Variants in ZNF766 observed in about 807,000 individuals in gnomAD.
ZNF766 encodes zinc finger protein 766.
In ZNF766, 13 loss-of-function variants were observed where a neutral mutation model predicts 13.2. That is an observed-to-expected ratio of 0.98 (90% CI 0.64 to 1.56). ZNF766 has a LOEUF of 1.56. Among genes scored for constraint, ZNF766 ranks in the 40% most tolerant of loss-of-function variants. The probability of loss-of-function intolerance (pLI) is 0.00; values close to 1 mark genes in which losing one functional copy is unlikely to be tolerated. For missense variants in ZNF766, 521 were observed against 552.2 expected, an observed-to-expected ratio of 0.94 and a Z score of 0.57; for synonymous variants, 178 against 187.6, an observed-to-expected ratio of 0.95 and a Z score of 0.42.
At position 52,284,697 on chromosome 19, in the gene ZNF766, C is replaced by T. The variant is rs1981721319; in HGVS notation, c.274+1284C>T. On this transcript the variant is annotated intron_variant, in intron 3 of 3. Transcript: ENST00000439461. ...GGTTGTCACCTTTCCATCTGACCAA[C>T]CAGCCACAAGTCAGGGTTCCCTCGA... 2.6e-5 allele frequency: 4 copies of T among 152,136 alleles called. No homozygotes were observed. The South Asian group carries it at 8.3e-4, about 32-fold the overall frequency. The allele number at this position is 152,136 out of a possible 1,614,324, so 9.4% of individuals were successfully genotyped here. A position where few individuals can be genotyped will look rare whatever the true frequency, so the allele number is the denominator to read the frequency against.
At chr19:52,286,522 C>T (rs1322534849) in intron 3 of ZNF766, among the ~76,000 whole-genome samples, 2 of 152,214 alleles carry the variant, frequency 1.3e-5, no homozygotes, top group African/African-American at 2.4e-5. Flanking sequence ...GCGATCCTCC[C>T]GCCTTGGCCT....
In ZNF766 at chr19:52,280,734, C is replaced by T. The variant is rs537845777; in HGVS notation, c.19-1377C>T. 3.5e-3 allele frequency among the ~76,000 whole-genome samples: 534 copies of T among 152,046 alleles called. 4 individuals are homozygous for T. The highest frequency in any genetic ancestry group is 0.012 in the African/African-American group (496 of 41,520). Reference sequence around the variant, plus strand: ...AGTAGCTGGGACTACAGGCATGCACCGCCACACCCAGCTAATTATTATATT... The same window carrying T: ...AGTAGCTGGGACTACAGGCATGCACTGCCACACCCAGCTAATTATTATATT... On this transcript the variant is annotated intron_variant, in intron 1 of 3. Transcript: ENST00000439461.
Position 52,279,957 on chromosome 19 carries a change from A to G in ZNF766, c.19-2154A>G, listed in dbSNP as rs147831590. Among the ~76,000 whole-genome samples the G allele has an allele frequency of 3.4e-4, 51 of 151,598 alleles. No individual in the cohort carries two copies. The East Asian group carries it at 9.8e-3, about 29-fold the overall frequency. On this transcript the variant is annotated intron_variant, in intron 1 of 3. Coordinates refer to ENST00000439461, the MANE Select transcript of ZNF766 (RefSeq NM_001010851.3). Reference sequence around the variant, plus strand: ...ATTACAGGTGCCCGCCACCACGCCTAGCTAATTTTTGCATTTTTAGCAGAG... The same window carrying G: ...ATTACAGGTGCCCGCCACCACGCCTGGCTAATTTTTGCATTTTTAGCAGAG...
Position 52,283,273 on chromosome 19 carries a change from T to C in ZNF766, c.146-12T>C, listed in dbSNP as rs752476463. ...CATCACAGCACATCTTGATTCTTTC[T>C]TTTATAAACAGGAATCTGTCTTCCT... is the stretch of plus-strand genomic sequence containing the variant. On this transcript the variant is annotated splice_polypyrimidine_tract_variant and intron_variant, in intron 2 of 3. Coordinates refer to ENST00000439461, the MANE Select transcript of ZNF766 (RefSeq NM_001010851.3). The C allele has an allele frequency of 6.2e-7, 1 of 1,611,606 alleles. No homozygotes were observed. The highest frequency in any genetic ancestry group is 8.5e-7 in the Non-Finnish European group (1 of 1,178,738).
At chr19:52,277,432 C>G (rs911211773) in intron 1 of ZNF766, 5 of 1,517,120 alleles carry the variant, frequency 3.3e-6, no homozygotes, top group Non-Finnish European at 4.4e-6. Flanking sequence ...GCACTCCAGC[C>G]TGGGTGACAG....
At position 52,293,042 on chromosome 19, in the gene ZNF766, AC is replaced by A. The variant is rs1982219712; in HGVS notation, c.*1846del. On this transcript the variant is annotated 3_prime_UTR_variant, in exon 4 of 4. Transcript: ENST00000439461. The stretch of plus-strand genomic sequence containing the variant: ...CAGGTGTTCTCATTGATCAATTCCC[AC>A]CTATGAGTGAGAACATGGGGTGTTT... 1 of 151,416 alleles carries A rather than the reference AC, an allele frequency of 6.6e-6. No homozygotes were observed. Among genetic ancestry groups the A allele is most frequent in the Non-Finnish European group, 1.5e-5 (1 of 67,942 alleles). The allele number at this position is 151,416 out of a possible 1,614,324, so 9.4% of individuals were successfully genotyped here. A position where few individuals can be genotyped will look rare whatever the true frequency, so the allele number is the denominator to read the frequency against.
chr19:52,276,594 A>C (rs998313719), intron 1 of ZNF766, among the ~76,000 whole-genome samples: 3 of 152,138 alleles, frequency 2.0e-5, no homozygotes, highest in Non-Finnish European at 4.4e-5. Flanking sequence ...TATTTTACTT[A>C]ACATGCCCCC....
intron 3 of ZNF766, chr19:52,285,220 CAG>C (rs1981754312): frequency 6.6e-6 from 1 of 152,226 alleles, no homozygotes; most frequent in Non-Finnish European, 1.5e-5. Context: ...ATTATCAACA[CAG>C]AAGAAGACTT....
At chr19:52,280,387 A>G (rs1385508253) in intron 1 of ZNF766, among the ~76,000 whole-genome samples, 1 of 152,034 alleles carries the variant, frequency 6.6e-6, no homozygotes, top group Admixed American at 6.6e-5. Context: ...AAGATGACAA[A>G]TATCATCTAA....
At chr19:52,277,058 T>G (rs1211454723) in intron 1 of ZNF766, 2 of 976,416 alleles carry the variant, frequency 2.0e-6, no homozygotes, top group Non-Finnish European at 2.4e-6. Flanking sequence ...GAGGACCGTA[T>G]TTCCACAGGG....
intron 3 of ZNF766, among the ~76,000 whole-genome samples, chr19:52,289,372 G>A (rs1457321010): frequency 6.6e-6 from 1 of 151,080 alleles, no homozygotes; most frequent in Non-Finnish European, 1.5e-5. Context: ...GGCTGGTCTC[G>A]AACTCCTGAC....
chr19:52,285,777 A>G (rs1981787375), intron 3 of ZNF766, among the ~76,000 whole-genome samples: 1 of 152,252 alleles, frequency 6.6e-6, no homozygotes, highest in Admixed American at 6.5e-5. Context: ...AGGTAGGGGG[A>G]AAGTTAGAGT....
chr19:52,269,776 T>A, intron 1 of ZNF766, 145 bp downstream of exon 1: 1 of 1,143,112 alleles, frequency 8.7e-7, no homozygotes, highest in East Asian at 2.8e-5. Flanking sequence ...GTCAGAGTGT[T>A]AAAATCGCCC....
Position 52,291,943 on chromosome 19 carries a change from G to T in ZNF766, c.*745G>T. 1.8e-6 allele frequency: 1 copy of T among 544,398 alleles called. No individual in the cohort carries two copies. Among genetic ancestry groups the T allele is most frequent in the East Asian group, 3.0e-5 (1 of 33,320 alleles). The allele number at this position is 544,398 out of a possible 1,614,324, so 33.7% of individuals were successfully genotyped here. ...AAAAAATAAGCCAGGCCCTTGGCAT[G>T]TGTCTGTAGTTCCAGCTACTCAAGA... On this transcript the variant is annotated 3_prime_UTR_variant, in exon 4 of 4. Coordinates refer to ENST00000439461, the MANE Select transcript of ZNF766 (RefSeq NM_001010851.3).
At position 52,290,012 on chromosome 19, in the gene ZNF766, A is replaced by C; in HGVS notation, c.275-54A>C. On this transcript the variant is annotated intron_variant, in intron 3 of 3. Transcript: ENST00000439461. ...CCAGACTCCAACTCAAAAAAAGTGC[A>C]AAAAACATGCCAGAACCATGGGTTC... The C allele has an allele frequency of 3.9e-6, 6 of 1,524,554 alleles. No homozygotes were observed. The South Asian group carries it at 8.0e-5, about 20-fold the overall frequency. 94.4% of individuals were successfully genotyped at this position (1,524,554 alleles called of 1,614,324 possible). A position where few individuals can be genotyped will look rare whatever the true frequency, so the allele number is the denominator to read the frequency against.
intron 3 of ZNF766, chr19:52,288,090 G>C: frequency 2.8e-6 from 1 of 363,526 alleles, no homozygotes; most frequent in Non-Finnish European, 5.2e-6. Context: ...GTGTGATCTC[G>C]GCTCACTGCA....
chr19:52,272,141 A>G (rs907451891), intron 1 of ZNF766, among the ~76,000 whole-genome samples: 2 of 152,082 alleles, frequency 1.3e-5, no homozygotes, highest in African/African-American at 4.8e-5. Flanking sequence ...TCTTGTTTAT[A>G]TTTCTGTCTT....
chr19:52,270,287 A>G (rs1273032155), intron 1 of ZNF766, among the ~76,000 whole-genome samples: 1 of 152,192 alleles, frequency 6.6e-6, no homozygotes, highest in Non-Finnish European at 1.5e-5. Flanking sequence ...GGTAGAGGAA[A>G]CAGAAAAATT....
At chr19:52,270,716 G>T (rs1308872374) in intron 1 of ZNF766, among the ~76,000 whole-genome samples, 1 of 151,964 alleles carries the variant, frequency 6.6e-6, no homozygotes, top group East Asian at 1.9e-4. Context: ...AATATATGGA[G>T]ATTGGAGACA....
Sources: gnomAD v4.1 joint callset for allele counts (sites outside exome capture counted in the v4.1 genomes callset) on GRCh38, gnomAD v4.1.1 for gene constraint, MANE v1.5 for transcripts, NCBI Gene and HGNC (gene_info 2026-07-23, HGNC 2026-07-21) for gene names.